BCR: variants seen among roughly 807,000 people sequenced by gnomAD.
BCR encodes breakpoint cluster region protein.
Under a neutral mutation model 138.6 loss-of-function variants are expected in BCR, and 58 were observed. That is an observed-to-expected ratio of 0.42 (90% CI 0.34 to 0.52). The LOEUF (loss-of-function observed/expected upper bound fraction) is 0.52. BCR is among the 20% of genes least tolerant of loss of function. BCR has a pLI of 0.06. For synonymous variants in BCR, 786 were observed against 730.1 expected (o/e 1.08, Z -1.23); for missense variants, 1,599 against 1,727.2 (o/e 0.93, Z 1.32).
chr22:23,183,263 A>G (rs1045752064), intron 1 of BCR, among the ~76,000 whole-genome samples: 1 of 152,026 alleles, frequency 6.6e-6, no homozygotes, highest in African/African-American at 2.4e-5. Context: ...GGCTGTCGGG[A>G]ATCTTTTGGA....
chr22:23,187,278 CTTTT>C (rs3055923), intron 1 of BCR, among the ~76,000 whole-genome samples: 2 of 114,508 alleles, frequency 1.7e-5, no homozygotes, highest in African/African-American at 6.8e-5. Flanking sequence ...GCTTAAAATA[CTTTT>C]TTTTTTTTTT....
In BCR at chr22:23,217,196, T is replaced by A. The variant is rs114385065; in HGVS notation, c.1279+34957T>A. ...GAGGTGAGGTTGTGGATGACTTTTT[T>A]AGATTTTTGCTGTTGCCATGTTATA... On this transcript the variant is annotated intron_variant, in intron 1 of 22. Transcript: ENST00000305877. 3.6e-3 allele frequency: 1,000 copies of A among 276,710 alleles called. 6 individuals carry two copies. Among genetic ancestry groups the A allele is most frequent in the African/African-American group, 0.022 (939 of 43,672 alleles). 17.1% of individuals were successfully genotyped at this position (276,710 alleles called of 1,614,324 possible).
intron 1 of BCR, among the ~76,000 whole-genome samples, chr22:23,250,675 A>G (rs1277225684): frequency 6.6e-6 from 1 of 152,196 alleles, no homozygotes; most frequent in Non-Finnish European, 1.5e-5. Context: ...GCCTTCATCT[A>G]ATAGTGACAG....
intron 1 of BCR, among the ~76,000 whole-genome samples, chr22:23,202,268 A>G (rs1379592110): frequency 6.6e-5 from 10 of 152,272 alleles, no homozygotes; most frequent in Non-Finnish European, 1.2e-4. Flanking sequence ...AGCCAATTTA[A>G]TGGGTTTTGG....
At chr22:23,237,560 G>A (rs191697630) in intron 1 of BCR, among the ~76,000 whole-genome samples, 22 of 152,354 alleles carry the variant, frequency 1.4e-4, no homozygotes, top group African/African-American at 3.8e-4. Context: ...TTTCTGGCTC[G>A]TTCCTCAGCT....
At chr22:23,204,010 G>T (rs2072584105) in intron 1 of BCR, among the ~76,000 whole-genome samples, 1 of 152,208 alleles carries the variant, frequency 6.6e-6, no homozygotes. Context: ...AGTGGGTTCA[G>T]ATGGTCTTGG....
intron 1 of BCR, among the ~76,000 whole-genome samples, chr22:23,225,381 G>GCCTA (rs1220213949): frequency 6.6e-6 from 1 of 151,406 alleles, no homozygotes; most frequent in Non-Finnish European, 1.5e-5. Flanking sequence ...CTTAGACCCT[G>GCCTA]CGGCAGGCTG....
intron 1 of BCR, among the ~76,000 whole-genome samples, chr22:23,208,564 T>C (rs1222056171): frequency 6.6e-6 from 1 of 152,218 alleles, no homozygotes; most frequent in African/African-American, 2.4e-5. Flanking sequence ...ACAAAAACTC[T>C]GGACTCAGCC....
At chr22:23,254,024 C>T in intron 2 of BCR, 44 bp downstream of exon 2, 2 of 1,565,120 alleles carry the variant, frequency 1.3e-6, no homozygotes, top group Non-Finnish European at 1.7e-6. Context: ...CCAGGTGAGG[C>T]TCCCTGAAGC....
In BCR at chr22:23,224,831, G is replaced by A. The variant is rs112519580; in HGVS notation, c.1280-28968G>A. On this transcript the variant is annotated intron_variant, in intron 1 of 22. Coordinates refer to ENST00000305877, the MANE Select transcript of BCR (RefSeq NM_004327.4). Reference sequence around the variant, plus strand: ...CAGAAGGTAGAGGTTGCAGTAAGCCGAGATCACGCCACTGCACTCCATCCT... The same window carrying A: ...CAGAAGGTAGAGGTTGCAGTAAGCCAAGATCACGCCACTGCACTCCATCCT... Among the ~76,000 whole-genome samples the A allele has an allele frequency of 5.0e-3, 765 of 152,218 alleles. 9 individuals carry two copies. The highest frequency in any genetic ancestry group is 0.018 in the African/African-American group (736 of 41,486).
At position 23,307,089 on chromosome 22, in the gene BCR, T is replaced by A. The variant is rs2073959796; in HGVS notation, c.3013-2335T>A. Among the ~76,000 whole-genome samples, 10 of 152,330 alleles carry A rather than the reference T, an allele frequency of 6.6e-5. No individual in the cohort carries two copies. In the South Asian group the frequency reaches 2.1e-3, roughly 32 times the overall value. ...CTCCTGCTTAACATGTTTCTGTGTTTCCAGTTACTTGGTTGGTTAGTAGAG... is the reference window on the plus strand; with the variant it reads ...CTCCTGCTTAACATGTTTCTGTGTTACCAGTTACTTGGTTGGTTAGTAGAG... On this transcript the variant is annotated intron_variant, in intron 16 of 22. Transcript: ENST00000305877.
chr22:23,306,115 C>T (rs2073952488), intron 16 of BCR: 1 of 152,256 alleles, frequency 6.6e-6, no homozygotes, highest in Non-Finnish European at 1.5e-5. Context: ...AGCCTTGGGA[C>T]AGCCTTTCCC....
In BCR at chr22:23,243,364, G is replaced by A. The variant is rs1226843856; in HGVS notation, c.1280-10435G>A. On this transcript the variant is annotated intron_variant, in intron 1 of 22. Transcript: ENST00000305877. ...ATCACCCGTGTCTACAGCCATGCCA[G>A]CCTGATCTCGGCTGAACTGATCATC... 2.0e-5 allele frequency among the ~76,000 whole-genome samples: 3 copies of A among 152,174 alleles called. No homozygotes were observed. The East Asian group carries it at 5.8e-4, about 29-fold the overall frequency.
chr22:23,240,422 C>T lies in BCR; in HGVS notation c.1280-13377C>T, dbSNP rs9624064. ...ATCCCAGCACTTTGGGAGGCTGAGGCGGGTGGATCACGAGGTCAGGAGATC... is the reference window on the plus strand; with the variant it reads ...ATCCCAGCACTTTGGGAGGCTGAGGTGGGTGGATCACGAGGTCAGGAGATC... On this transcript the variant is annotated intron_variant, in intron 1 of 22. Coordinates refer to ENST00000305877, the MANE Select transcript of BCR (RefSeq NM_004327.4). 2.2e-3 allele frequency among the ~76,000 whole-genome samples: 334 copies of T among 151,004 alleles called. 1 individual carries two copies. The highest frequency in any genetic ancestry group is 7.4e-3 in the African/African-American group (306 of 41,134).
At chr22:23,209,435 C>A (rs113077848) in intron 1 of BCR, among the ~76,000 whole-genome samples, 10,332 of 152,228 alleles carry the variant, frequency 0.068, 1,176 homozygotes, top group African/African-American at 0.23. Flanking sequence ...TTATCCATCT[C>A]TCTGCCAGTA....
chr22:23,269,126 C>T (rs903623580), intron 5 of BCR, among the ~76,000 whole-genome samples: 12 of 152,330 alleles, frequency 7.9e-5, no homozygotes, highest in African/African-American at 2.9e-4. Flanking sequence ...CCCAGGGCCT[C>T]GAAAGAGTCA....
chr22:23,249,732 A>G (rs564054021), intron 1 of BCR, among the ~76,000 whole-genome samples: 6 of 152,172 alleles, frequency 3.9e-5, no homozygotes, highest in Non-Finnish European at 8.8e-5. Context: ...CCACACCATC[A>G]TTTGCCTTGG....
At chr22:23,283,265 GGT>G (rs1184258492) in intron 8 of BCR, 2 of 152,310 alleles carry the variant, frequency 1.3e-5, no homozygotes, top group Non-Finnish European at 2.9e-5. Flanking sequence ...TGTCCAGGCA[GGT>G]GTCAGAGGTG....
intron 4 of BCR, 54 bp downstream of exon 4, chr22:23,261,594 C>G: frequency 6.3e-7 from 1 of 1,578,334 alleles, no homozygotes; most frequent in South Asian, 1.1e-5. Flanking sequence ...CCACGTCCAG[C>G]TAATTTTTTG....
Sources: allele counts gnomAD v4.1 joint callset (sites outside exome capture counted in the v4.1 genomes callset), GRCh38; gene constraint gnomAD v4.1.1; transcripts MANE v1.5; gene names NCBI Gene and HGNC (gene_info 2026-07-23, HGNC 2026-07-21).